DENND5A: variants seen among roughly 807,000 people sequenced by gnomAD.
DENND5A encodes DENN domain containing 5A.
Under a neutral mutation model 140.3 loss-of-function variants are expected in DENND5A, and 64 were observed. The ratio of observed to expected loss-of-function variants is 0.46; its 90% confidence interval spans 0.37 to 0.56. The LOEUF is 0.56. Among genes scored for constraint, DENND5A ranks in the 20% least tolerant of loss-of-function variants. The probability of loss-of-function intolerance (pLI) is 0.00; values close to 1 mark genes in which losing one functional copy is unlikely to be tolerated. For missense variants in DENND5A, 1,292 were observed against 1,593.8 expected, an observed-to-expected ratio of 0.81 and a Z score of 3.22; for synonymous variants, 605 against 607.7, an observed-to-expected ratio of 1.00 and a Z score of 0.07.
At chr11:9,171,144 T>A (rs1374333352) in intron 8 of DENND5A, 1 of 217,760 alleles carries the variant, frequency 4.6e-6, no homozygotes, top group East Asian at 1.1e-4. Flanking sequence ...GTGGCTAGAG[T>A]TCATATGAAC....
rs1031841955 is a variant in DENND5A, at chr11:9,170,199, A to C, written c.2058-250T>G. 9 of 833,660 alleles carry C rather than the reference A, an allele frequency of 1.1e-5. No homozygotes were observed. The African/African-American group carries it at 1.7e-4, about 15-fold the overall frequency. The allele number at this position is 833,660 out of a possible 1,614,324, so 51.6% of individuals were successfully genotyped here. A position where few individuals can be genotyped will look rare whatever the true frequency, so the allele number is the denominator to read the frequency against. ...TACAAACACTTGACATATAGATCTA[A>C]AACTATATTCACTTAACTCTATCTG... On this transcript the variant is annotated intron_variant, in intron 9 of 22. Transcript: ENST00000328194.
chr11:9,160,588 C>T (rs1157812821), intron 12 of DENND5A, 125 bp downstream of exon 12: 3 of 664,326 alleles, frequency 4.5e-6, no homozygotes, highest in Non-Finnish European at 4.8e-6. Context: ...TATTTCAAAT[C>T]TCACTCCAGG....
chr11:9,180,932 C>T lies in DENND5A; in HGVS notation c.1290G>A (p.Glu430=). The T allele has an allele frequency of 6.2e-7, 1 of 1,614,208 alleles. No individual in the cohort carries two copies. Among genetic ancestry groups the T allele is most frequent in the Non-Finnish European group, 8.5e-7 (1 of 1,180,040 alleles). ...IPPEGNLHCS[E]SASKLKRLRA... ...GCAGCCTCTTCAGCTTGGAGGCACT[C>T]TCACTGCAATGAAGATTCCCTTCAG... The change falls in exon 6 of 23, where the codon GAG becomes GAA. Residue 430 remains glutamate (E), a synonymous_variant. Transcript: ENST00000328194.
intron 2 of DENND5A, among the ~76,000 whole-genome samples, 153 bp downstream of exon 2, chr11:9,207,408 C>T (rs576063795): frequency 6.6e-6 from 1 of 152,082 alleles, no homozygotes; most frequent in African/African-American, 2.4e-5. Flanking sequence ...AACCAAAGAA[C>T]CCACCACCTA....
chr11:9,173,636 C>T (rs1345360035), intron 8 of DENND5A, among the ~76,000 whole-genome samples: 1 of 152,172 alleles, frequency 6.6e-6, no homozygotes, highest in Non-Finnish European at 1.5e-5. Context: ...AGTATGGGTG[C>T]ACATGACTGT....
chr11:9,252,588 A>G (rs1851777313), intron 1 of DENND5A, among the ~76,000 whole-genome samples: 1 of 152,016 alleles, frequency 6.6e-6, no homozygotes, highest in African/African-American at 2.4e-5. Context: ...CGGAGGCTGC[A>G]GTAGCCAAGA....
chr11:9,256,025 C>CAAA, intron 1 of DENND5A, among the ~76,000 whole-genome samples: 1 of 86,810 alleles, frequency 1.2e-5, no homozygotes, highest in African/African-American at 4.4e-5. Context: ...AACTCCATCT[C>CAAA]AAAAAAAAAA....
Position 9,180,825 on chromosome 11 carries a change from T to C in DENND5A, c.1397A>G (p.Asn466Ser), listed in dbSNP as rs1848702786. Residue 466 changes from asparagine (N) to serine (S), a missense_variant, in exon 6 of 23, where the codon AAT (asparagine) becomes AGT (serine). Asn to Ser is a conservative substitution (Grantham distance 46, BLOSUM62 1). Transcript: ENST00000328194. ...GGCTTGCAGCCGGGCAATAGTTTCA[T>C]TCTCCTTAAGAAGCTCGTAGGAATG... ...PLHSYELLKE[N>S]ETIARLQALV... 4 of 1,614,114 alleles carry C rather than the reference T, an allele frequency of 2.5e-6. No individual in the cohort carries two copies. Among genetic ancestry groups the C allele is most frequent in the Non-Finnish European group, 3.4e-6 (4 of 1,180,040 alleles).
At chr11:9,188,984 A>G (rs528735916) in intron 5 of DENND5A, among the ~76,000 whole-genome samples, 1 of 152,376 alleles carries the variant, frequency 6.6e-6, no homozygotes. Context: ...TCTCCAGAGC[A>G]TATCAGAGGT....
rs1357055004 is a variant in DENND5A at position 9,169,969 on chromosome 11, A to G, written c.2058-20T>C. The G allele has an allele frequency of 6.4e-7, 1 of 1,552,550 alleles. No homozygotes were observed. Among genetic ancestry groups the G allele is most frequent in the Admixed American group, 1.7e-5 (1 of 59,154 alleles). On this transcript the variant is annotated intron_variant, in intron 9 of 22. Transcript: ENST00000328194. ...GTCCACCTAACACAATCAGAACCAAAGCAGGCAATTAATAATGTCTCACTT... is the reference window on the plus strand; with the variant it reads ...GTCCACCTAACACAATCAGAACCAAGGCAGGCAATTAATAATGTCTCACTT...
intron 1 of DENND5A, among the ~76,000 whole-genome samples, chr11:9,257,695 G>T (rs1336951914): frequency 6.6e-6 from 1 of 151,204 alleles, no homozygotes; most frequent in Non-Finnish European, 1.5e-5. Context: ...TGTTAGCCAG[G>T]ATAGTCTCGA....
intron 1 of DENND5A, among the ~76,000 whole-genome samples, chr11:9,244,642 T>A (rs1183294488): frequency 6.6e-6 from 1 of 152,202 alleles, no homozygotes; most frequent in Admixed American, 6.6e-5. Context: ...GTGCTGGGAT[T>A]ACAGGCATTA....
intron 11 of DENND5A, among the ~76,000 whole-genome samples, chr11:9,161,339 C>T (rs1847978035): frequency 7.8e-6 from 1 of 128,398 alleles, no homozygotes; most frequent in African/African-American, 3.4e-5. Context: ...CAGAGCGAGA[C>T]TCCGTCTCAA....
chr11:9,193,570 T>C lies in DENND5A; in HGVS notation c.1061A>G (p.Asp354Gly). 6.2e-7 allele frequency: 1 copy of C among 1,613,896 alleles called. No individual in the cohort carries two copies. Among genetic ancestry groups the C allele is most frequent in the Non-Finnish European group, 8.5e-7 (1 of 1,179,968 alleles). ...ILPASLLHFL[D>G]APVPYLMGLH... The stretch of plus-strand genomic sequence containing the variant: ...ACCCATCAGGTATGGAACAGGAGCA[T>C]CTAAGAAATGCAGGAGAGAAGCTGG... Residue 354 changes from aspartate (D) to glycine (G), a missense_variant, in exon 5 of 23, where the codon GAT becomes GGT. Around this residue, in one of 4 missense-constraint regions of DENND5A, gnomAD observed 566 missense variants for 650.4 expected, o/e 0.87. Coordinates refer to ENST00000328194, the MANE Select transcript of DENND5A (RefSeq NM_015213.4).
At chr11:9,227,712 C>T (rs186453285) in intron 1 of DENND5A, among the ~76,000 whole-genome samples, 185 of 152,046 alleles carry the variant, frequency 1.2e-3, no homozygotes, top group Admixed American at 4.1e-3. Context: ...TAATCTAACA[C>T]TATGGGAGGC....
chr11:9,197,736 T>G (rs1423430703), intron 4 of DENND5A, among the ~76,000 whole-genome samples: 1 of 152,156 alleles, frequency 6.6e-6, no homozygotes, highest in African/African-American at 2.4e-5. Flanking sequence ...TTTCTCTGCA[T>G]TATTTGTGCA....
At chr11:9,196,242 C>T (rs750145779) in intron 4 of DENND5A, among the ~76,000 whole-genome samples, 2 of 152,132 alleles carry the variant, frequency 1.3e-5, no homozygotes, top group Middle Eastern at 3.2e-3. Context: ...TGTGAGCCAC[C>T]GTGCCCGGCC....
chr11:9,229,898 T>A (rs909761526), intron 1 of DENND5A, among the ~76,000 whole-genome samples: 2 of 126,330 alleles, frequency 1.6e-5, no homozygotes, highest in Non-Finnish European at 3.3e-5. Flanking sequence ...AGCTCCCATT[T>A]CTTTTTTTTT....
intron 10 of DENND5A, 120 bp from the exon 11 acceptor site, chr11:9,166,087 CTTT>C: frequency 5.6e-6 from 4 of 716,052 alleles, no homozygotes; most frequent in African/African-American, 1.9e-5. Context: ...TTTTCTTTTT[CTTT>C]TTTTTTTTGA....
Sources: gnomAD v4.1 joint callset for allele counts (sites outside exome capture counted in the v4.1 genomes callset) on GRCh38, gnomAD v4.1.1 for gene constraint, gnomAD v4.1.1 regional missense constraint, MANE v1.5 for transcripts, NCBI Gene and HGNC (gene_info 2026-07-23, HGNC 2026-07-21) for gene names.